Variants in PLEKHG1 observed in about 807,000 individuals in gnomAD.
The protein encoded by PLEKHG1 is pleckstrin homology and RhoGEF domain containing G1.
PLEKHG1 carries 44 observed loss-of-function variants against 100.8 expected under a neutral mutation model. The ratio of observed to expected loss-of-function variants is 0.44; its 90% confidence interval spans 0.34 to 0.56. The LOEUF is 0.56. PLEKHG1 is among the 20% of genes least tolerant of loss of function. PLEKHG1 has a pLI of 0.01. For missense variants in PLEKHG1, 1,545 were observed against 1,720.9 expected (o/e 0.90, Z 1.81); for synonymous variants, 640 against 662.5 (o/e 0.97, Z 0.52).
At chr6:150,751,625 A>T (rs1016521294) in intron 2 of PLEKHG1, among the ~76,000 whole-genome samples, 3 of 152,154 alleles carry the variant, frequency 2.0e-5, no homozygotes, top group Admixed American at 2.0e-4. Context: ...TATTTACCCT[A>T]CATGTTTAAA....
intron 3 of PLEKHG1, among the ~76,000 whole-genome samples, chr6:150,698,117 T>C (rs1362507220): frequency 6.6e-6 from 1 of 152,222 alleles, no homozygotes; most frequent in Non-Finnish European, 1.5e-5. Flanking sequence ...TAATGAGATA[T>C]TTGGGGGATG....
intron 1 of PLEKHG1, among the ~76,000 whole-genome samples, chr6:150,611,678 G>C (rs980606820): frequency 1.3e-5 from 2 of 152,126 alleles, no homozygotes; most frequent in Admixed American, 6.5e-5. Flanking sequence ...CGGGCATGGT[G>C]GTGGGTGCCT....
At chr6:150,793,779 A>T (rs1476981443) in intron 4 of PLEKHG1, among the ~76,000 whole-genome samples, 1 of 152,174 alleles carries the variant, frequency 6.6e-6, no homozygotes, top group Non-Finnish European at 1.5e-5. Context: ...TATAATGGAC[A>T]GGGCATATTA....
chr6:150,781,101 C>G (rs868164581), intron 3 of PLEKHG1, among the ~76,000 whole-genome samples: 1 of 151,504 alleles, frequency 6.6e-6, no homozygotes, highest in Non-Finnish European at 1.5e-5. Flanking sequence ...TCTCGAACTC[C>G]TGACCTCAGG....
At chr6:150,639,349 T>C (rs976754699) in intron 2 of PLEKHG1, among the ~76,000 whole-genome samples, 2 of 152,236 alleles carry the variant, frequency 1.3e-5, no homozygotes, top group South Asian at 2.1e-4. Flanking sequence ...AATGAACATA[T>C]TCATGGAATA....
At chr6:150,752,203 A>T (rs1783560554) in intron 2 of PLEKHG1, among the ~76,000 whole-genome samples, 1 of 152,134 alleles carries the variant, frequency 6.6e-6, no homozygotes, top group South Asian at 2.1e-4. Flanking sequence ...AATAAAATAA[A>T]ATATATTGTC....
At chr6:150,672,388 G>A (rs752592994) in intron 3 of PLEKHG1, among the ~76,000 whole-genome samples, 3 of 152,148 alleles carry the variant, frequency 2.0e-5, no homozygotes, top group Non-Finnish European at 2.9e-5. Flanking sequence ...TGCTTTCCTC[G>A]ATGTCCCGTT....
chr6:150,619,372 T>C (rs1777200496), intron 1 of PLEKHG1, among the ~76,000 whole-genome samples: 1 of 152,170 alleles, frequency 6.6e-6, no homozygotes, highest in South Asian at 2.1e-4. Context: ...TCCCTTCTTC[T>C]GCCTTGTAGA....
intron 14 of PLEKHG1, among the ~76,000 whole-genome samples, chr6:150,824,244 T>C (rs2128681820): frequency 6.6e-6 from 1 of 152,360 alleles, no homozygotes; most frequent in South Asian, 2.1e-4. Flanking sequence ...TATTGGAAGA[T>C]ATTATATCCA....
intron 5 of PLEKHG1, among the ~76,000 whole-genome samples, chr6:150,798,724 A>G (rs1052579312): frequency 5.3e-5 from 8 of 152,320 alleles, no homozygotes; most frequent in African/African-American, 1.9e-4. Context: ...GCTGAAGGTT[A>G]AGGATAATTT....
At chr6:150,768,293 T>G (rs998011949) in intron 2 of PLEKHG1, among the ~76,000 whole-genome samples, 3 of 152,218 alleles carry the variant, frequency 2.0e-5, no homozygotes, top group Admixed American at 6.5e-5. Flanking sequence ...TTTTAGAGTA[T>G]GTTTTAATCA....
Position 150,809,479 on chromosome 6 carries a change from A to G in PLEKHG1, c.1191+3A>G. 1 of 1,611,540 alleles carries G rather than the reference A, an allele frequency of 6.2e-7. No homozygotes were observed. Among genetic ancestry groups the G allele is most frequent in the African/African-American group, 1.3e-5 (1 of 74,982 alleles). ...CCAAGCTGCAGCACACAGTCCAGGT[A>G]GCAGCCGGGCCCTGGCCTCTCCGCA... is the stretch of plus-strand genomic sequence containing the variant. On this transcript the variant is annotated splice_donor_region_variant and intron_variant, in intron 9 of 15. Coordinates refer to ENST00000358517, the Ensembl canonical transcript of PLEKHG1.
At chr6:150,738,279 A>T (rs1163247747) in intron 2 of PLEKHG1, among the ~76,000 whole-genome samples, 2 of 152,202 alleles carry the variant, frequency 1.3e-5, no homozygotes, top group East Asian at 1.9e-4. Context: ...TTTTATCTGC[A>T]TGCCGTATAG....
chr6:150,825,880 A>G (rs1242452814), intron 14 of PLEKHG1, among the ~76,000 whole-genome samples: 1 of 152,208 alleles, frequency 6.6e-6, no homozygotes, highest in Non-Finnish European at 1.5e-5. Context: ...AGTGTTCTAT[A>G]AATGATAGCT....
chr6:150,763,472 A>G (rs1784289042), intron 2 of PLEKHG1, among the ~76,000 whole-genome samples: 1 of 152,200 alleles, frequency 6.6e-6, no homozygotes, highest in African/African-American at 2.4e-5. Flanking sequence ...GCACATGGAA[A>G]TCTACGATCT....
chr6:150,809,006 C>T (rs753890088), intron 7 of PLEKHG1, 99 bp from the exon 9 acceptor site: 12 of 957,018 alleles, frequency 1.3e-5, no homozygotes, highest in Admixed American at 2.3e-5. Context: ...CCCTCAGGGA[C>T]GATTTGGCAC....
At chr6:150,820,188 G>A (rs923835119) in intron 12 of PLEKHG1, among the ~76,000 whole-genome samples, 2 of 151,608 alleles carry the variant, frequency 1.3e-5, no homozygotes, top group African/African-American at 2.4e-5. Flanking sequence ...CAGCATGGGC[G>A]ACAGAGTGAG....
At chr6:150,793,338 G>A (rs537293527) in intron 4 of PLEKHG1, among the ~76,000 whole-genome samples, 2 of 152,184 alleles carry the variant, frequency 1.3e-5, no homozygotes, top group South Asian at 2.1e-4. Context: ...GGAGGTTGAG[G>A]CTGAAATGAA....
chr6:150,698,475 T>A (rs1219034123), intron 3 of PLEKHG1, among the ~76,000 whole-genome samples: 1 of 133,188 alleles, frequency 7.5e-6, no homozygotes, highest in African/African-American at 2.8e-5. Context: ...CTAACCTGAT[T>A]GCGTGTGTAT....
Sources: allele counts gnomAD v4.1 joint callset (sites outside exome capture counted in the v4.1 genomes callset), GRCh38; gene constraint gnomAD v4.1.1; transcripts MANE v1.5; gene names NCBI Gene and HGNC (gene_info 2026-07-23, HGNC 2026-07-21).